Variants in CHCHD6 observed in about 807,000 individuals in gnomAD.
CHCHD6 encodes the protein MICOS complex subunit MIC25.
CHCHD6 carries 28 observed loss-of-function variants against 32.3 expected under a neutral mutation model. The observed-to-expected ratio is 0.87, with a 90% confidence interval of 0.64 to 1.19. The LOEUF (loss-of-function observed/expected upper bound fraction) is 1.19, where lower values mean the gene tolerates loss of function less well. Ranked by LOEUF, CHCHD6 falls within the 50% of genes most tolerant of loss-of-function variation. The pLI, the probability that CHCHD6 is intolerant of heterozygous loss-of-function variation, is 0.00. For synonymous variants in CHCHD6, 122 were observed against 117.5 expected, an observed-to-expected ratio of 1.04 and a Z score of -0.25; for missense variants, 333 against 307.0, an observed-to-expected ratio of 1.08 and a Z score of -0.63.
chr3:126,937,664 T>G (rs1258079189), intron 6 of CHCHD6, among the ~76,000 whole-genome samples: 1 of 152,246 alleles, frequency 6.6e-6, no homozygotes, highest in Non-Finnish European at 1.5e-5. Flanking sequence ...GGCTTTCCTG[T>G]CTGCATGGGT....
At chr3:126,876,915 G>A (rs1211086986) in intron 5 of CHCHD6, among the ~76,000 whole-genome samples, 4 of 152,198 alleles carry the variant, frequency 2.6e-5, no homozygotes, top group Non-Finnish European at 4.4e-5. Flanking sequence ...AGGGTGAAGA[G>A]TGTCAGCAGA....
chr3:126,872,954 A>G lies in CHCHD6; in HGVS notation c.495+20224A>G, dbSNP rs186583579. On this transcript the variant is annotated intron_variant, in intron 5 of 7. Coordinates refer to ENST00000290913, the MANE Select transcript of CHCHD6 (RefSeq NM_032343.3). ...TTTCAGCATCTCAACACAGGAGTGT[A>G]CTTTTTTGACAGGGGCTACTGTCTC... 7.9e-5 allele frequency among the ~76,000 whole-genome samples: 12 copies of G among 152,312 alleles called. No homozygotes were observed. The East Asian group carries it at 2.3e-3, about 29-fold the overall frequency.
chr3:126,873,535 C>G (rs2077504019), intron 5 of CHCHD6, among the ~76,000 whole-genome samples: 1 of 152,214 alleles, frequency 6.6e-6, no homozygotes, highest in Non-Finnish European at 1.5e-5. Flanking sequence ...GCCAGTTCAG[C>G]TAAGGTTGGT....
At chr3:126,830,052 C>T (rs939809524) in intron 4 of CHCHD6, among the ~76,000 whole-genome samples, 6 of 152,096 alleles carry the variant, frequency 3.9e-5, no homozygotes, top group Non-Finnish European at 7.4e-5. Flanking sequence ...GAGCCGAGAT[C>T]GCACCACTGC....
chr3:126,833,461 G>A (rs1308179942), intron 4 of CHCHD6, among the ~76,000 whole-genome samples: 1 of 152,216 alleles, frequency 6.6e-6, no homozygotes, highest in Non-Finnish European at 1.5e-5. Context: ...AACAAGAGCA[G>A]CTTTGTTAGA....
At chr3:126,764,226 A>ATATATAT (rs1937274487) in intron 4 of CHCHD6, among the ~76,000 whole-genome samples, 13 of 116,968 alleles carry the variant, frequency 1.1e-4, no homozygotes, top group African/African-American at 3.7e-4. Flanking sequence ...TATATATATA[A>ATATATAT]ATATATGAAA....
chr3:126,957,293 A>G (rs2078799070), intron 6 of CHCHD6, 123 bp from the exon 7 acceptor site: 3 of 1,075,670 alleles, frequency 2.8e-6, no homozygotes, highest in Non-Finnish European at 4.1e-6. Flanking sequence ...GGTTAAAAGG[A>G]TGCTGCTGGG....
At chr3:126,875,713 C>T (rs187832172) in intron 5 of CHCHD6, among the ~76,000 whole-genome samples, 47 of 152,270 alleles carry the variant, frequency 3.1e-4, no homozygotes, top group African/African-American at 8.4e-4. Context: ...GACTCTAACC[C>T]GGGGAGGTAA....
At chr3:126,885,980 G>A (rs778083028) in intron 5 of CHCHD6, among the ~76,000 whole-genome samples, 1 of 152,174 alleles carries the variant, frequency 6.6e-6, no homozygotes, top group Non-Finnish European at 1.5e-5. Context: ...GAGCCGGAAC[G>A]GGCACGGGCA....
chr3:126,704,520 C>A, intron 1 of CHCHD6, 121 bp downstream of exon 1: 1 of 579,260 alleles, frequency 1.7e-6, no homozygotes, highest in Non-Finnish European at 2.7e-6. Flanking sequence ...TTGGGAGACT[C>A]CGGGGGCTCA....
intron 4 of CHCHD6, among the ~76,000 whole-genome samples, chr3:126,754,669 G>A (rs1345694128): frequency 2.0e-5 from 3 of 152,204 alleles, no homozygotes; most frequent in African/African-American, 7.2e-5. Flanking sequence ...TTTCAGGGGA[G>A]ATTGATTTTT....
chr3:126,956,130 A>T (rs1349668019), intron 6 of CHCHD6, among the ~76,000 whole-genome samples: 1 of 152,162 alleles, frequency 6.6e-6, no homozygotes, highest in Non-Finnish European at 1.5e-5. Flanking sequence ...GTGGGAGAGC[A>T]ACTGACCTAC....
intron 4 of CHCHD6, among the ~76,000 whole-genome samples, chr3:126,745,801 A>G (rs1272954997): frequency 1.3e-5 from 2 of 152,178 alleles, no homozygotes; most frequent in Non-Finnish European, 2.9e-5. Flanking sequence ...GAGAGGAGAT[A>G]CAGCTATTCA....
intron 1 of CHCHD6, among the ~76,000 whole-genome samples, chr3:126,721,874 C>T (rs549897911): frequency 6.6e-6 from 1 of 152,250 alleles, no homozygotes; most frequent in South Asian, 2.1e-4. Context: ...TGACTCCTTT[C>T]ACTTAGCGTA....
rs567741223 is a variant in CHCHD6, at chr3:126,775,916, C to T, written c.411+42694C>T. ...GGGTGCAGGTGCGGATTTCCTGTAG[C>T]ACTCCCTATTGGAGAGACTTTCATG... On this transcript the variant is annotated intron_variant, in intron 4 of 7. Transcript: ENST00000290913. Among the ~76,000 whole-genome samples the T allele has an allele frequency of 3.3e-5, 5 of 152,306 alleles. No individual in the cohort carries two copies. In the South Asian group the frequency reaches 1.0e-3, roughly 32 times the overall value.
intron 4 of CHCHD6, among the ~76,000 whole-genome samples, chr3:126,823,505 T>C (rs1488553333): frequency 1.3e-5 from 2 of 152,214 alleles, no homozygotes; most frequent in Admixed American, 6.5e-5. Flanking sequence ...GAAAATACTA[T>C]TGCTTTTAAT....
At chr3:126,717,302 C>T (rs1171163403) in intron 1 of CHCHD6, among the ~76,000 whole-genome samples, 1 of 152,192 alleles carries the variant, frequency 6.6e-6, no homozygotes, top group African/African-American at 2.4e-5. Context: ...TCACAACTCT[C>T]ATCCTCATGA....
At chr3:126,938,367 TCTC>T (rs2078513122) in intron 6 of CHCHD6, among the ~76,000 whole-genome samples, 1 of 152,208 alleles carries the variant, frequency 6.6e-6, no homozygotes, top group South Asian at 2.1e-4. Flanking sequence ...TCATCTGTCT[TCTC>T]AGCTGTAAGA....
chr3:126,853,643 C>A (rs1941553607), intron 5 of CHCHD6, among the ~76,000 whole-genome samples: 1 of 152,174 alleles, frequency 6.6e-6, no homozygotes, highest in South Asian at 2.1e-4. Context: ...GCCCCATCAA[C>A]ACCTGCTTGT....
Sources: allele counts gnomAD v4.1 joint callset (sites outside exome capture counted in the v4.1 genomes callset), GRCh38; gene constraint gnomAD v4.1.1; transcripts MANE v1.5; gene names NCBI Gene and HGNC (gene_info 2026-07-23, HGNC 2026-07-21).